ZC3H14: variants seen among roughly 807,000 people sequenced by gnomAD.
The protein encoded by ZC3H14 is zinc finger CCCH domain-containing protein 14.
Under a neutral mutation model 92.4 loss-of-function variants are expected in ZC3H14, and 31 were observed. The ratio of observed to expected loss-of-function variants is 0.34; its 90% confidence interval spans 0.25 to 0.45. ZC3H14 has a LOEUF of 0.45. Ranked by LOEUF, ZC3H14 falls within the 20% of genes least tolerant of loss-of-function variation. The pLI is 1.00. For missense variants in ZC3H14, 781 were observed against 897.3 expected (o/e 0.87, Z 1.66); for synonymous variants, 321 against 300.9 (o/e 1.07, Z -0.69).
chr14:88,620,895 G>A lies in ZC3H14; in HGVS notation c.*9144G>A. Reference sequence around the variant, plus strand: ...AGGGCTGTAACACACAGTACGAGCAGCATGTCCCAAATTCACTTTGTTTAA... The same window carrying A: ...AGGGCTGTAACACACAGTACGAGCAACATGTCCCAAATTCACTTTGTTTAA... On this transcript the variant is annotated 3_prime_UTR_variant, in exon 17 of 17. Transcript: ENST00000251038. This position sits in a 1 kb window ranked among gnomAD's most constrained non-coding sequence, Gnocchi z 4.3. The A allele has an allele frequency of 6.5e-7, 1 of 1,527,340 alleles. No individual in the cohort carries two copies. Among genetic ancestry groups the A allele is most frequent in the Non-Finnish European group, 8.7e-7 (1 of 1,143,898 alleles). The allele number at this position is 1,527,340 out of a possible 1,614,324, so 94.6% of individuals were successfully genotyped here.
chr14:88,566,543 T>G (rs1053725781), intron 2 of ZC3H14, among the ~76,000 whole-genome samples: 2 of 152,208 alleles, frequency 1.3e-5, no homozygotes, highest in Non-Finnish European at 2.9e-5. Context: ...AACTGCATTT[T>G]TTATAGTTTT....
At chr14:88,567,506 A>G (rs929620883) in intron 2 of ZC3H14, among the ~76,000 whole-genome samples, 5 of 151,240 alleles carry the variant, frequency 3.3e-5, no homozygotes, top group Non-Finnish European at 7.4e-5. Flanking sequence ...CATTGAGTTG[A>G]CATTATTTAA....
intron 9 of ZC3H14, among the ~76,000 whole-genome samples, chr14:88,583,384 C>T (rs889007471): frequency 2.0e-5 from 3 of 152,068 alleles, no homozygotes; most frequent in Admixed American, 6.6e-5. Flanking sequence ...TCCCAAAGTG[C>T]TAGGTTTACA....
At chr14:88,599,473 T>A (rs1394004877) in intron 10 of ZC3H14, among the ~76,000 whole-genome samples, 2 of 152,026 alleles carry the variant, frequency 1.3e-5, no homozygotes, top group Non-Finnish European at 2.9e-5. Flanking sequence ...TGTTACTTAC[T>A]CCCCCGTCTG....
intron 2 of ZC3H14, among the ~76,000 whole-genome samples, chr14:88,567,129 T>TTATTTA (rs1229548137): frequency 3.1e-4 from 47 of 150,698 alleles, no homozygotes; most frequent in African/African-American, 1.1e-3. Context: ...TATTTATTTT[T>TTATTTA]TTTTGAGACA....
intron 3 of ZC3H14, among the ~76,000 whole-genome samples, chr14:88,568,507 T>C (rs2079980904): frequency 6.6e-6 from 1 of 152,180 alleles, no homozygotes; most frequent in Non-Finnish European, 1.5e-5. Flanking sequence ...GAACTCACTG[T>C]CTCTTGAGAA....
At chr14:88,596,574 A>T (rs920368151) in intron 9 of ZC3H14, among the ~76,000 whole-genome samples, 160 bp from the exon 10 acceptor site, 2 of 152,154 alleles carry the variant, frequency 1.3e-5, no homozygotes, top group African/African-American at 4.8e-5. Context: ...GTCTTACAGG[A>T]TATGTCTTTG....
At chr14:88,605,368 G>A (rs2085229780) in intron 12 of ZC3H14, among the ~76,000 whole-genome samples, 1 of 152,204 alleles carries the variant, frequency 6.6e-6, no homozygotes, top group African/African-American at 2.4e-5. Context: ...TATCCCTCCT[G>A]TTGCCCAGGC....
In ZC3H14 at chr14:88,615,951, A is replaced by T; in HGVS notation, c.*4200A>T. 1.4e-6 allele frequency: 2 copies of T among 1,418,448 alleles called. No individual in the cohort carries two copies. The highest frequency in any genetic ancestry group is 1.9e-6 in the Non-Finnish European group (2 of 1,037,420). The allele number at this position is 1,418,448 out of a possible 1,614,324, so 87.9% of individuals were successfully genotyped here. On this transcript the variant is annotated 3_prime_UTR_variant, in exon 17 of 17. Transcript: ENST00000251038. ...AGTTGTGCTTTCAGGTTACATGTGT[A>T]ATATTTTTCCTCTTTAACTCCTTTT...
chr14:88,618,521 G>A lies in ZC3H14; in HGVS notation c.*6770G>A, dbSNP rs2088164104. ...GTGGGGGAGGAAAGGGGAGCTGTAG[G>A]TCAGAAGGTACAAAGGGAGGAGTTG... On this transcript the variant is annotated 3_prime_UTR_variant, in exon 17 of 17. Coordinates refer to ENST00000251038, the MANE Select transcript of ZC3H14 (RefSeq NM_024824.5). The A allele has an allele frequency of 8.3e-7, 1 of 1,205,494 alleles. No homozygotes were observed. Among genetic ancestry groups the A allele is most frequent in the South Asian group, 1.6e-5 (1 of 62,852 alleles). The allele number at this position is 1,205,494 out of a possible 1,614,324, so 74.7% of individuals were successfully genotyped here.
chr14:88,580,573 G>T (rs1306863425), intron 9 of ZC3H14, among the ~76,000 whole-genome samples: 1 of 151,942 alleles, frequency 6.6e-6, no homozygotes, highest in African/African-American at 2.4e-5. Flanking sequence ...ATGAGAAAGT[G>T]GCAAATATTG....
At chr14:88,610,624 C>A (rs1319374172) in intron 15 of ZC3H14, among the ~76,000 whole-genome samples, 1 of 123,822 alleles carries the variant, frequency 8.1e-6, no homozygotes, top group South Asian at 3.0e-4. Context: ...GCCTAGGCAA[C>A]ATTTAAGAGA....
At chr14:88,593,830 A>G (rs982592522) in intron 9 of ZC3H14, among the ~76,000 whole-genome samples, 1 of 152,196 alleles carries the variant, frequency 6.6e-6, no homozygotes, top group Admixed American at 6.5e-5. Context: ...ACAAGCAACC[A>G]AAGGAAAAAA....
At chr14:88,600,904 T>C (rs2084550198) in intron 10 of ZC3H14, among the ~76,000 whole-genome samples, 1 of 152,174 alleles carries the variant, frequency 6.6e-6, no homozygotes, top group South Asian at 2.1e-4. Context: ...CTCAGATGCC[T>C]TCGGCCTTGT....
rs1200129030 is a variant in ZC3H14 at position 88,618,065 on chromosome 14, A to G, written c.*6314A>G. ...CTGATAAAACATGGAAATATATTCAATAAAAAGGGGTCCCAACATGAACAT... is the reference window on the plus strand; with the variant it reads ...CTGATAAAACATGGAAATATATTCAGTAAAAAGGGGTCCCAACATGAACAT... On this transcript the variant is annotated 3_prime_UTR_variant, in exon 17 of 17. Coordinates refer to ENST00000251038, the MANE Select transcript of ZC3H14 (RefSeq NM_024824.5). 4.4e-6 allele frequency: 2 copies of G among 452,296 alleles called. No individual in the cohort carries two copies. Among genetic ancestry groups the G allele is most frequent in the Admixed American group, 3.7e-5 (1 of 26,686 alleles). 28.0% of individuals were successfully genotyped at this position (452,296 alleles called of 1,614,324 possible). A position where few individuals can be genotyped will look rare whatever the true frequency, so the allele number is the denominator to read the frequency against.
At position 88,572,868 on chromosome 14, in the gene ZC3H14, T is replaced by C; in HGVS notation, c.722T>C (p.Ile241Thr). The C allele has an allele frequency of 6.2e-7, 1 of 1,614,210 alleles. No individual in the cohort carries two copies. The highest frequency in any genetic ancestry group is 8.5e-7 in the Non-Finnish European group (1 of 1,180,044). ...RLQFQQQQNS[I>T]HAAKQLDMQS... The stretch of plus-strand genomic sequence containing the variant: ...CAATTTCAACAGCAGCAGAATAGTA[T>C]TCATGCTGCCAAGCAGCTTGATATG... Residue 241 changes from isoleucine (I) to threonine (T), a missense_variant, in exon 6 of 17, where the codon ATT becomes ACT. Transcript: ENST00000251038.
At chr14:88,604,824 C>T (rs1337919633) in intron 12 of ZC3H14, among the ~76,000 whole-genome samples, 2 of 152,120 alleles carry the variant, frequency 1.3e-5, no homozygotes, top group African/African-American at 4.8e-5. Context: ...CAACTCCTGA[C>T]CTCAAGTGAT....
chr14:88,622,769 T>C lies in ZC3H14; in HGVS notation c.*11018T>C, dbSNP rs935255762. On this transcript the variant is annotated 3_prime_UTR_variant, in exon 17 of 17. Transcript: ENST00000251038. Reference sequence around the variant, plus strand: ...AGTGTTCATTATTGGCTACTATAATTTTTATTATAAACAAATACCAAGTTA... The same window carrying C: ...AGTGTTCATTATTGGCTACTATAATCTTTATTATAAACAAATACCAAGTTA... 4 of 1,330,500 alleles carry C rather than the reference T, an allele frequency of 3.0e-6. No homozygotes were observed. In the African/African-American group the frequency reaches 6.0e-5, roughly 20 times the overall value. The allele number at this position is 1,330,500 out of a possible 1,614,324, so 82.4% of individuals were successfully genotyped here.
chr14:88,580,943 G>T (rs1352814748), intron 9 of ZC3H14, among the ~76,000 whole-genome samples: 1 of 152,154 alleles, frequency 6.6e-6, no homozygotes, highest in Non-Finnish European at 1.5e-5. Context: ...CTCCAGAAAA[G>T]AAAATGTGAG....
Sources: allele counts gnomAD v4.1 joint callset (sites outside exome capture counted in the v4.1 genomes callset), GRCh38; gene constraint gnomAD v4.1.1; non-coding constraint Gnocchi (gnomAD v3.1); transcripts MANE v1.5; gene names NCBI Gene and HGNC (gene_info 2026-07-23, HGNC 2026-07-21).